The following PRIM2 variants were observed in gnomAD, a reference collection of about 807,000 sequenced individuals.
The protein encoded by PRIM2 is DNA primase large subunit.
In PRIM2, 39 loss-of-function variants were observed where a neutral mutation model predicts 67.3. That is an observed-to-expected ratio of 0.58 (90% CI 0.45 to 0.76). PRIM2 has a LOEUF of 0.76. PRIM2 is among the 30% of genes least tolerant of loss of function. The pLI, the probability that PRIM2 is intolerant of heterozygous loss-of-function variation, is 0.00. For missense variants in PRIM2, 398 were observed against 598.7 expected, an observed-to-expected ratio of 0.66 and a Z score of 3.50; for synonymous variants, 143 against 198.7, an observed-to-expected ratio of 0.72 and a Z score of 2.36.
At chr6:57,552,863 TG>T (rs1181626725) in intron 10 of PRIM2, among the ~76,000 whole-genome samples, 1 of 152,044 alleles carries the variant, frequency 6.6e-6, no homozygotes, top group Non-Finnish European at 1.5e-5. Context: ...GACTTTTTTT[TG>T]TACGAAGAAA....
chr6:57,366,150 G>A (rs797009057), intron 5 of PRIM2, among the ~76,000 whole-genome samples: 5 of 152,070 alleles, frequency 3.3e-5, no homozygotes, highest in Non-Finnish European at 7.3e-5. Context: ...AGGAAATCTG[G>A]TGCAACTTTG....
At chr6:57,514,560 T>C (rs1774441561) in intron 8 of PRIM2, among the ~76,000 whole-genome samples, 1 of 152,208 alleles carries the variant, frequency 6.6e-6, no homozygotes, top group Non-Finnish European at 1.5e-5. Context: ...CAAGCTTTTA[T>C]AGTTCACTGA....
chr6:57,412,529 T>C (rs1771121763), intron 7 of PRIM2, among the ~76,000 whole-genome samples: 1 of 151,940 alleles, frequency 6.6e-6, no homozygotes, highest in Admixed American at 6.6e-5. Context: ...ACGGCTTTTA[T>C]CTATACTACT....
intron 11 of PRIM2, among the ~76,000 whole-genome samples, chr6:57,602,888 G>T (rs1342975639): frequency 6.6e-6 from 1 of 152,102 alleles, no homozygotes; most frequent in East Asian, 1.9e-4. Context: ...CAGCAAAATC[G>T]TGTGGGAAGT....
the PRIM2 span, among the ~76,000 whole-genome samples, chr6:57,300,242 G>T: frequency 6.6e-6 from 1 of 152,192 alleles, no homozygotes; most frequent in Non-Finnish European, 1.5e-5. Flanking sequence ...AGTTGCATCT[G>T]CACCTTATAC....
chr6:57,231,446 A>G, the PRIM2 span, among the ~76,000 whole-genome samples: 6 of 152,226 alleles, frequency 3.9e-5, no homozygotes, highest in African/African-American at 1.2e-4. Flanking sequence ...CTCTCAATAT[A>G]TGACAGATAA....
chr6:57,303,861 G>A, the PRIM2 span, among the ~76,000 whole-genome samples: 7 of 152,052 alleles, frequency 4.6e-5, no homozygotes, highest in African/African-American at 1.2e-4. Context: ...TCTCGAACTC[G>A]TGACCTCAAG....
intron 7 of PRIM2, among the ~76,000 whole-genome samples, chr6:57,456,125 T>C (rs201176154): frequency 0.026 from 3,910 of 152,166 alleles, 154 homozygotes; most frequent in African/African-American, 0.089. Context: ...CCACTCTCTT[T>C]TGGCTTGTAG....
intron 7 of PRIM2, among the ~76,000 whole-genome samples, chr6:57,485,242 G>T (rs1201184697): frequency 1.3e-5 from 2 of 151,900 alleles, no homozygotes; most frequent in Non-Finnish European, 2.9e-5. Flanking sequence ...GACCCAAATT[G>T]AACTTAACCC....
At chr6:57,296,340 A>T in the PRIM2 span, among the ~76,000 whole-genome samples, 1 of 151,792 alleles carries the variant, frequency 6.6e-6, no homozygotes, top group Non-Finnish European at 1.5e-5. Flanking sequence ...ATATATATAT[A>T]TTATAGGATT....
chr6:57,256,024 TACAC>T, the PRIM2 span, among the ~76,000 whole-genome samples: 2,818 of 111,186 alleles, frequency 0.025, 70 homozygotes, highest in African/African-American at 0.13. Flanking sequence ...CACACACACA[TACAC>T]ACACACACAC....
chr6:57,403,317 C>G (rs577422528), intron 7 of PRIM2, among the ~76,000 whole-genome samples: 2 of 140,704 alleles, frequency 1.4e-5, no homozygotes, highest in African/African-American at 5.5e-5. Context: ...AGTGCAGTGG[C>G]GCGAACTCGG....
the PRIM2 span, among the ~76,000 whole-genome samples, chr6:57,243,093 T>G: frequency 6.6e-6 from 1 of 152,236 alleles, no homozygotes; most frequent in Non-Finnish European, 1.5e-5. Flanking sequence ...TCATTTGCAA[T>G]CTATAATTCT....
In PRIM2 at chr6:57,330,383, G is replaced by GT. The variant is rs60270076; in HGVS notation, c.459+4351dup. ...TTTGTTTTTGTTTTTTTGTTTTTTT[G>GT]TTTTTTTTTTTTTGAGATGGAGTCT... On this transcript the variant is annotated intron_variant, in intron 5 of 13. Transcript: ENST00000615550. Among the ~76,000 whole-genome samples the GT allele has an allele frequency of 5.7e-3, 567 of 99,510 alleles. 12 individuals carry two copies. The highest frequency in any genetic ancestry group is 0.017 in the African/African-American group (400 of 24,218). The allele number at this position is 99,510 out of a possible 152,430, so 65.3% of individuals were successfully genotyped here.
chr6:57,548,723 T>C (rs1775339002), intron 10 of PRIM2, among the ~76,000 whole-genome samples: 1 of 152,144 alleles, frequency 6.6e-6, no homozygotes, highest in Admixed American at 6.5e-5. Flanking sequence ...TCACACCTGA[T>C]GGATATATGA....
At chr6:57,402,126 T>C (rs770761724) in intron 7 of PRIM2, among the ~76,000 whole-genome samples, 7 of 152,188 alleles carry the variant, frequency 4.6e-5, no homozygotes, top group African/African-American at 1.2e-4. Context: ...CACTTTTCCA[T>C]AGGGCTGCTG....
intron 12 of PRIM2, among the ~76,000 whole-genome samples, chr6:57,615,308 A>C (rs1318364139): frequency 3.5e-4 from 53 of 151,686 alleles, no homozygotes; most frequent in African/African-American, 1.2e-3. Context: ...AGTGTCAGCT[A>C]TGCAGGAGGC....
chr6:57,448,764 C>T (rs1292605253), intron 7 of PRIM2, among the ~76,000 whole-genome samples: 6 of 152,298 alleles, frequency 3.9e-5, no homozygotes, highest in South Asian at 2.1e-4. Flanking sequence ...CCATTACACT[C>T]GGTCAGCATG....
intron 7 of PRIM2, among the ~76,000 whole-genome samples, chr6:57,400,135 C>T (rs1770656250): frequency 6.6e-6 from 1 of 152,282 alleles, no homozygotes; most frequent in South Asian, 2.1e-4. Context: ...TACATTTGAT[C>T]CTGTCATTGT....
Sources: gnomAD v4.1 joint callset for allele counts (sites outside exome capture counted in the v4.1 genomes callset) on GRCh38, gnomAD v4.1.1 for gene constraint, MANE v1.5 for transcripts, NCBI Gene and HGNC (gene_info 2026-07-23, HGNC 2026-07-21) for gene names.